Variants in ARSF observed in about 807,000 individuals in gnomAD.
ARSF encodes the protein arylsulfatase F.
ARSF carries 33 observed loss-of-function variants against 35.4 expected under a neutral mutation model. That is an observed-to-expected ratio of 0.93 (90% CI 0.71 to 1.25). The LOEUF (loss-of-function observed/expected upper bound fraction) is 1.25. ARSF is among the 50% of genes most tolerant of loss of function. The pLI is 0.00. For missense variants in ARSF, 501 were observed against 480.2 expected (o/e 1.04, Z -0.40); for synonymous variants, 222 against 193.1 (o/e 1.15, Z -1.24).
chrX:3,089,961 G>A (rs924591084), intron 7 of ARSF, among the ~76,000 whole-genome samples: 2 of 111,492 alleles, frequency 1.8e-5, no homozygotes, highest in African/African-American at 3.3e-5. Context: ...ACATGTGCAG[G>A]TTTTTTACCT....
chrX:3,101,920 T>A (rs1460388542), intron 8 of ARSF, among the ~76,000 whole-genome samples: 1 of 112,050 alleles, frequency 8.9e-6, no homozygotes, highest in African/African-American at 3.2e-5. Context: ...TTAAAGTATT[T>A]TCTAGAGGAA....
chrX:3,052,106 A>G (rs2089999294), intron 1 of ARSF, among the ~76,000 whole-genome samples: 1 of 112,118 alleles, frequency 8.9e-6, no homozygotes, highest in South Asian at 3.7e-4. Context: ...CTGTTGAGTC[A>G]CCTCTGAGAT....
chrX:3,066,021 C>T (rs2090064486), intron 1 of ARSF, among the ~76,000 whole-genome samples: 2 of 111,289 alleles, frequency 1.8e-5, no homozygotes, highest in Non-Finnish European at 3.8e-5. Flanking sequence ...GCCTGGAAGT[C>T]GAGGCTGCAG....
intron 8 of ARSF, among the ~76,000 whole-genome samples, chrX:3,103,461 G>A (rs1189715825): frequency 2.7e-5 from 3 of 110,823 alleles, no homozygotes. Flanking sequence ...GTATGAGGGA[G>A]GTTGGAAATG....
chrX:3,087,332 T>C (rs188827812), intron 6 of ARSF, among the ~76,000 whole-genome samples: 98 of 111,952 alleles, frequency 8.8e-4, no homozygotes, highest in African/African-American at 3.1e-3. Context: ...CTGTGCTTCC[T>C]CTGTAGGCTC....
intron 1 of ARSF, among the ~76,000 whole-genome samples, chrX:3,064,818 G>A (rs1276044558): frequency 9.0e-6 from 1 of 111,720 alleles, no homozygotes; most frequent in Non-Finnish European, 1.9e-5. Flanking sequence ...TCCTGGAGAG[G>A]ATGTGGAGAA....
chrX:3,085,287 T>A (rs941557423), intron 6 of ARSF, among the ~76,000 whole-genome samples: 2 of 107,830 alleles, frequency 1.9e-5, no homozygotes, highest in Non-Finnish European at 3.8e-5. Flanking sequence ...AATATGTATA[T>A]ACTATACTAT....
intron 1 of ARSF, among the ~76,000 whole-genome samples, chrX:3,047,025 C>T (rs771498721): frequency 1.4e-4 from 15 of 110,548 alleles, no homozygotes; most frequent in Non-Finnish European, 2.6e-4. Context: ...TGTTGGGCCA[C>T]ATTCAAAGCT....
At chrX:3,099,074 C>T (rs937049405) in intron 7 of ARSF, among the ~76,000 whole-genome samples, 1 of 111,065 alleles carries the variant, frequency 9.0e-6, no homozygotes, top group Non-Finnish European at 1.9e-5. Flanking sequence ...CTCTCTTCCA[C>T]CTCCACATGT....
chrX:3,057,550 A>G (rs776268711), intron 1 of ARSF, among the ~76,000 whole-genome samples: 53 of 111,755 alleles, frequency 4.7e-4, no homozygotes, highest in African/African-American at 1.7e-3. Context: ...CACAGATAAC[A>G]CGCCAATCCT....
At chrX:3,046,772 CA>C (rs1306839187) in intron 1 of ARSF, among the ~76,000 whole-genome samples, 1 of 110,738 alleles carries the variant, frequency 9.0e-6, no homozygotes, top group African/African-American at 3.3e-5. Context: ...CCACGTCAAC[CA>C]AAAGTTACCT....
intron 8 of ARSF, 86 bp from the exon 9 acceptor site, chrX:3,103,676 G>C (rs1301226470): frequency 9.2e-7 from 1 of 1,089,259 alleles, no homozygotes; most frequent in Admixed American, 2.4e-5. Context: ...GATCTCTTTT[G>C]ATACTAGCTT....
intron 1 of ARSF, among the ~76,000 whole-genome samples, chrX:3,067,863 A>G (rs992134251): frequency 9.1e-6 from 1 of 110,029 alleles, no homozygotes; most frequent in Non-Finnish European, 1.9e-5. Flanking sequence ...GCTCAAAAAA[A>G]AAAAAAAGGT....
intron 1 of ARSF, among the ~76,000 whole-genome samples, chrX:3,055,566 T>C (rs150350223): frequency 0.014 from 1,516 of 110,867 alleles, 48 homozygotes; most frequent in East Asian, 0.1. Context: ...GCAGACAGCT[T>C]ATGGCCCCAT....
rs1239171463 is a variant in ARSF at position 3,110,253 on chromosome X, G to A, written c.1390+1G>A. ...GTGCGGTGGATCCCCAAGGACGACA[G>A]TGAGTGCTCAACCCGTTGCTTCCTG... On this transcript the variant is annotated splice_donor_variant, in intron 10 of 10. Coordinates refer to ENST00000381127, the MANE Select transcript of ARSF (RefSeq NM_001201539.2). LOFTEE classifies it high-confidence loss of function. 2 of 1,167,384 alleles carry A rather than the reference G, an allele frequency of 1.7e-6. No individual in the cohort carries two copies. Among genetic ancestry groups the A allele is most frequent in the African/African-American group, 3.5e-5 (2 of 56,392 alleles).
At chrX:3,060,207 T>C (rs1201251678) in intron 1 of ARSF, among the ~76,000 whole-genome samples, 1 of 112,150 alleles carries the variant, frequency 8.9e-6, no homozygotes, top group Non-Finnish European at 1.9e-5. Flanking sequence ...CCAACAGACC[T>C]GCAGGTGAGG....
chrX:3,067,131 CGTGTGT>C (rs368895328), intron 1 of ARSF, among the ~76,000 whole-genome samples: 15 of 98,004 alleles, frequency 1.5e-4, no homozygotes, highest in Non-Finnish European at 2.5e-4. Flanking sequence ...TAACCAAGAA[CGTGTGT>C]GTGTGTGTGT....
At chrX:3,081,755 C>T (rs1471545362) in intron 5 of ARSF, among the ~76,000 whole-genome samples, 1 of 111,561 alleles carries the variant, frequency 9.0e-6, no homozygotes, top group East Asian at 2.8e-4. Context: ...TGTCATCTGC[C>T]TCTTTATTTC....
rs1721909309 is a variant in ARSF, at chrX:3,100,995, G to GT, written c.968-88dup. On this transcript the variant is annotated intron_variant, in intron 7 of 10. Coordinates refer to ENST00000381127, the MANE Select transcript of ARSF (RefSeq NM_001201539.2). Reference sequence around the variant, plus strand: ...TTTGACATAGGGTCACACCATCCTTGTTTTCCTTTAGATAGCTCATGCCCA... The same window carrying GT: ...TTTGACATAGGGTCACACCATCCTTGTTTTTCCTTTAGATAGCTCATGCCCA... The GT allele has an allele frequency of 1.5e-5, 13 of 875,662 alleles. No individual in the cohort carries two copies. In the East Asian group the frequency reaches 4.2e-4, roughly 28 times the overall value. 72.2% of individuals were successfully genotyped at this position (875,662 alleles called of 1,213,427 possible). A position where few individuals can be genotyped will look rare whatever the true frequency, so the allele number is the denominator to read the frequency against.
Sources: gnomAD v4.1 joint callset for allele counts (sites outside exome capture counted in the v4.1 genomes callset) on GRCh38, gnomAD v4.1.1 for gene constraint, MANE v1.5 for transcripts, NCBI Gene and HGNC (gene_info 2026-07-23, HGNC 2026-07-21) for gene names.